GINS4: variants seen among roughly 807,000 people sequenced by gnomAD.
GINS4 encodes DNA replication complex GINS protein SLD5.
A neutral mutation model predicts 31.1 loss-of-function variants in GINS4; 20 were observed. The observed-to-expected ratio is 0.64, with a 90% confidence interval of 0.45 to 0.93. GINS4 has a LOEUF of 0.93. Among genes scored for constraint, GINS4 ranks in the 40% least tolerant of loss-of-function variants. The pLI, the probability that GINS4 is intolerant of heterozygous loss-of-function variation, is 0.00. For synonymous variants in GINS4, 85 were observed against 97.9 expected (o/e 0.87, Z 0.78); for missense variants, 245 against 273.9 (o/e 0.89, Z 0.75).
chr8:41,530,404 T>G, intron 2 of GINS4, 106 bp downstream of exon 2: 1 of 740,190 alleles, frequency 1.4e-6, no homozygotes. Context: ...GGGGCTTACT[T>G]TAGAACAGGG....
At chr8:41,539,619 A>G in intron 4 of GINS4, 59 bp from the exon 5 acceptor site, 1 of 1,209,532 alleles carries the variant, frequency 8.3e-7, no homozygotes. Context: ...TATGTTAACC[A>G]CATCCTTCTC....
At position 41,544,821 on chromosome 8, in the gene GINS4, T is replaced by C. The variant is rs7815411; in HGVS notation, c.*2734T>C. On this transcript the variant is annotated 3_prime_UTR_variant, in exon 8 of 8. Coordinates refer to ENST00000276533, the MANE Select transcript of GINS4 (RefSeq NM_032336.3). ...ATCCTGCCTTTCTAAGGAGCTCCCATGTTGTGCAGTTGCTGCTGGCCCGGG... is the reference window on the plus strand; with the variant it reads ...ATCCTGCCTTTCTAAGGAGCTCCCACGTTGTGCAGTTGCTGCTGGCCCGGG... 35,669 of 151,864 alleles carry C rather than the reference T, an allele frequency of 0.23. 4,305 individuals carry two copies. Among genetic ancestry groups the C allele is most frequent in the Middle Eastern group, 0.33 (96 of 292 alleles). 9.4% of individuals were successfully genotyped at this position (151,864 alleles called of 1,614,324 possible).
chr8:41,537,974 TTG>T (rs1806771053), intron 4 of GINS4: 1 of 151,752 alleles, frequency 6.6e-6, no homozygotes, highest in South Asian at 2.1e-4. Context: ...TGAGCCAAGA[TTG>T]TACCACTGCA....
At chr8:41,533,575 C>T (rs1318326708) in intron 2 of GINS4, among the ~76,000 whole-genome samples, 3 of 152,230 alleles carry the variant, frequency 2.0e-5, no homozygotes, top group Non-Finnish European at 4.4e-5. Context: ...GTCTCTTATG[C>T]TGTGTGGCAC....
In GINS4 at chr8:41,537,275, G is replaced by C. The variant is rs781348747; in HGVS notation, c.279G>C (p.Leu93Phe). 3.1e-6 allele frequency: 5 copies of C among 1,612,680 alleles called. No homozygotes were observed. The African/African-American group carries it at 6.7e-5, about 22-fold the overall frequency. ...ERIRYVLSSY[L>F]RCRLMKIEKF... is the part of the protein sequence containing the mutation. ...TCCGCTACGTCCTCAGCAGCTACTTGCGGTGTCGCCTCATGAAGGTTTGAC... is the reference window on the plus strand; with the variant it reads ...TCCGCTACGTCCTCAGCAGCTACTTCCGGTGTCGCCTCATGAAGGTTTGAC... Residue 93 changes from leucine (L) to phenylalanine (F), a missense_variant, in exon 4 of 8, where the codon TTG (leucine) becomes TTC (phenylalanine). By Grantham distance (22) the Leu-to-Phe change is conservative. Transcript: ENST00000276533.
Position 41,537,256 on chromosome 8 carries a change from A to C in GINS4, c.260A>C (p.Tyr87Ser). The part of the protein sequence containing the change: ...IHQMEMERIR[Y>S]VLSSYLRCRL... ...CAAATGGAGATGGAGAGGATCCGCT[A>C]CGTCCTCAGCAGCTACTTGCGGTGT... The change falls in exon 4 of 8, where the codon TAC becomes TCC. Residue 87 changes from tyrosine to serine, a missense_variant. Tyr to Ser is a moderately radical substitution (Grantham distance 144). Transcript: ENST00000276533. 4 of 1,613,970 alleles carry C rather than the reference A, an allele frequency of 2.5e-6. No individual in the cohort carries two copies. The highest frequency in any genetic ancestry group is 3.4e-6 in the Non-Finnish European group (4 of 1,179,868).
intron 6 of GINS4, 49 bp downstream of exon 6, chr8:41,540,053 C>G (rs1256746089): frequency 3.2e-6 from 4 of 1,262,592 alleles, no homozygotes; most frequent in Non-Finnish European, 4.7e-6. Flanking sequence ...CTCAGGTGTC[C>G]CAGGGTAGGA....
rs1467562715 is a variant in GINS4 at position 41,537,191 on chromosome 8, CAGGAG to C, written c.198_202del (p.Arg66SerfsTer42). On this transcript the variant is annotated frameshift_variant, in exon 4 of 8. Transcript: ENST00000276533. LOFTEE classifies it high-confidence loss of function. ...TTCTCATTTAATAGGAAGAAAATCT[CAGGAG>C]AGCCAAAAGGGAGGACCTGAAGGTC... is the stretch of plus-strand genomic sequence containing the variant. The C allele has an allele frequency of 6.2e-7, 1 of 1,610,558 alleles. No homozygotes were observed. Among genetic ancestry groups the C allele is most frequent in the African/African-American group, 1.3e-5 (1 of 74,978 alleles).
At chr8:41,540,041 T>C (rs1242960890) in intron 6 of GINS4, 37 bp downstream of exon 6, 1 of 1,363,350 alleles carries the variant, frequency 7.3e-7, no homozygotes. Context: ...GGCCCACCCA[T>C]CCTCAGGTGT....
chr8:41,538,413 T>G (rs1328847508), intron 4 of GINS4, among the ~76,000 whole-genome samples: 1 of 151,910 alleles, frequency 6.6e-6, no homozygotes, highest in Non-Finnish European at 1.5e-5. Context: ...CACATCACAT[T>G]AGCATATTTA....
chr8:41,530,581 C>T (rs1433295436), intron 2 of GINS4, among the ~76,000 whole-genome samples: 1 of 152,202 alleles, frequency 6.6e-6, no homozygotes, highest in African/African-American at 2.4e-5. Context: ...TTTTCAGGGA[C>T]TGTAGAGGTC....
rs959454901 is a variant in GINS4 at position 41,544,407 on chromosome 8, C to T, written c.*2320C>T. 6.6e-6 allele frequency: 1 copy of T among 152,252 alleles called. No homozygotes were observed. The highest frequency in any genetic ancestry group is 1.5e-5 in the Non-Finnish European group (1 of 68,084). 9.4% of individuals were successfully genotyped at this position (152,252 alleles called of 1,614,324 possible). On this transcript the variant is annotated 3_prime_UTR_variant, in exon 8 of 8. Transcript: ENST00000276533. The stretch of plus-strand genomic sequence containing the variant: ...AACCCAAGTCTGCACTTCCTAGTCA[C>T]GTTCTCCCTGTAGTGCTAAGCCCAG...
chr8:41,543,836 G>A lies in GINS4; in HGVS notation c.*1749G>A, dbSNP rs1402088759. ...TTCTCCTGCCCCAGCCTCCCGAGTA[G>A]CTGGTATTATAGGTGCACACCACCA... On this transcript the variant is annotated 3_prime_UTR_variant, in exon 8 of 8. Transcript: ENST00000276533. 1 of 152,036 alleles carries A rather than the reference G, an allele frequency of 6.6e-6. No individual in the cohort carries two copies. The highest frequency in any genetic ancestry group is 2.4e-5 in the African/African-American group (1 of 41,392). 9.4% of individuals were successfully genotyped at this position (152,036 alleles called of 1,614,324 possible).
At chr8:41,530,138 A>T in intron 1 of GINS4, 46 bp from the exon 2 acceptor site, 1 of 1,194,850 alleles carries the variant, frequency 8.4e-7, no homozygotes, top group Non-Finnish European at 1.2e-6. Flanking sequence ...TCTTGCAGAT[A>T]ATTAGAAAAC....
At chr8:41,541,955 G>A (rs371910436) in intron 7 of GINS4, 36 bp from the exon 8 acceptor site, 7 of 1,611,270 alleles carry the variant, frequency 4.3e-6, no homozygotes, top group East Asian at 2.2e-5. Context: ...AGGGCCAGCC[G>A]AGCTCTGCAG....
In GINS4 at chr8:41,544,561, CAG is replaced by C. The variant is rs1806900595; in HGVS notation, c.*2477_*2478del. The C allele has an allele frequency of 6.6e-6, 1 of 152,084 alleles. No homozygotes were observed. The highest frequency in any genetic ancestry group is 2.4e-5 in the African/African-American group (1 of 41,400). 9.4% of individuals were successfully genotyped at this position (152,084 alleles called of 1,614,324 possible). On this transcript the variant is annotated 3_prime_UTR_variant, in exon 8 of 8. Transcript: ENST00000276533. ...TTCATTTAGTATGTCATGGTTAATT[CAG>C]AGTAAAATCAAGAGTTAGTACTTGA...
At chr8:41,530,115 G>C in intron 1 of GINS4, 69 bp from the exon 2 acceptor site, 1 of 1,020,506 alleles carries the variant, frequency 9.8e-7, no homozygotes. Context: ...CCTTTCTCCA[G>C]ATAGATGTCT....
intron 1 of GINS4, chr8:41,529,756 T>C (rs1806622914): frequency 6.5e-6 from 1 of 154,236 alleles, no homozygotes; most frequent in African/African-American, 2.4e-5. Flanking sequence ...TGTTAAGTGC[T>C]TGCTAGGAGT....
In GINS4 at chr8:41,541,998, G is replaced by A. The variant is rs148743285; in HGVS notation, c.583G>A (p.Val195Met). The change falls in exon 8 of 8, where the codon GTG (valine) becomes ATG (methionine). Residue 195 changes from valine to methionine, a missense_variant. Val to Met is a conservative substitution (Grantham distance 21). Transcript: ENST00000276533. ...TGTTTCCCTCTTTTTCAGGGACTAC[G>A]TGATTGACCTGGAGAAGGGCTCACA... The part of the protein sequence containing the change: ...EPDTDEQRDY[V>M]IDLEKGSQHL... 11 of 1,614,072 alleles carry A rather than the reference G, an allele frequency of 6.8e-6. No individual in the cohort carries two copies. Among genetic ancestry groups the A allele is most frequent in the African/African-American group, 2.7e-5 (2 of 75,026 alleles).
Sources: gnomAD v4.1 joint callset for allele counts (sites outside exome capture counted in the v4.1 genomes callset) on GRCh38, gnomAD v4.1.1 for gene constraint, MANE v1.5 for transcripts, NCBI Gene and HGNC (gene_info 2026-07-23, HGNC 2026-07-21) for gene names.